DPP10: variants seen among roughly 807,000 people sequenced by gnomAD.
The protein encoded by DPP10 is dipeptidyl peptidase like 10.
Under a neutral mutation model 120.9 loss-of-function variants are expected in DPP10, and 33 were observed. That is an observed-to-expected ratio of 0.27 (90% CI 0.21 to 0.37). The LOEUF is 0.37. Among genes scored for constraint, DPP10 ranks in the 10% least tolerant of loss-of-function variants. The pLI, the probability that DPP10 is intolerant of heterozygous loss-of-function variation, is 1.00. For synonymous variants in DPP10, 337 were observed against 326.1 expected (o/e 1.03, Z -0.36); for missense variants, 816 against 942.8 (o/e 0.87, Z 1.76).
intron 5 of DPP10, among the ~76,000 whole-genome samples, chr2:115,562,969 A>T (rs1484222837): frequency 6.6e-6 from 1 of 152,210 alleles, no homozygotes; most frequent in Non-Finnish European, 1.5e-5. Flanking sequence ...CCAGTTGGCT[A>T]TCTTTCTTTC....
chr2:115,166,684 C>G (rs1460630336), intron 1 of DPP10, among the ~76,000 whole-genome samples: 1 of 150,558 alleles, frequency 6.6e-6, no homozygotes, highest in Non-Finnish European at 1.5e-5. Flanking sequence ...AGGATCTGAG[C>G]AAATGGTACA....
At chr2:114,555,169 C>G (rs993762690) in intron 1 of DPP10, among the ~76,000 whole-genome samples, 1 of 152,308 alleles carries the variant, frequency 6.6e-6, no homozygotes. Flanking sequence ...TGTACACACT[C>G]AGAATACAAT....
intron 1 of DPP10, among the ~76,000 whole-genome samples, chr2:114,633,204 T>A (rs1196038324): frequency 7.2e-6 from 1 of 138,716 alleles, no homozygotes; most frequent in Non-Finnish European, 1.5e-5. Context: ...ACATTATAGA[T>A]TTGTTTTCTC....
At chr2:115,717,422 T>A (rs2092531647) in intron 7 of DPP10, among the ~76,000 whole-genome samples, 1 of 152,076 alleles carries the variant, frequency 6.6e-6, no homozygotes, top group African/African-American at 2.4e-5. Flanking sequence ...GAGGACAGGC[T>A]TTGGAGCCAG....
chr2:115,260,057 C>T (rs567894323), intron 1 of DPP10, among the ~76,000 whole-genome samples: 8 of 151,106 alleles, frequency 5.3e-5, no homozygotes, highest in East Asian at 1.9e-4. Flanking sequence ...AATTCATTCA[C>T]GCTTTTCCAT....
chr2:115,822,663 A>C (rs1343476751), intron 21 of DPP10, among the ~76,000 whole-genome samples: 1 of 151,894 alleles, frequency 6.6e-6, no homozygotes, highest in Non-Finnish European at 1.5e-5. Context: ...AACCATGTTT[A>C]GGTTGTATTG....
chr2:114,646,861 CT>C (rs1696176914), intron 1 of DPP10, among the ~76,000 whole-genome samples: 1 of 152,202 alleles, frequency 6.6e-6, no homozygotes, highest in South Asian at 2.1e-4. Flanking sequence ...TGTAAAGATT[CT>C]CTCTGGAATT....
intron 3 of DPP10, among the ~76,000 whole-genome samples, chr2:115,469,783 A>G (rs1302463502): frequency 1.3e-5 from 2 of 149,736 alleles, no homozygotes; most frequent in Non-Finnish European, 3.0e-5. Flanking sequence ...CTGTAATCCC[A>G]GCTACTTGGG....
rs373200507 is a variant in DPP10 at position 115,379,675 on chromosome 2, G to C, written c.271+35763G>C. On this transcript the variant is annotated intron_variant, in intron 3 of 25. Coordinates refer to ENST00000410059, the MANE Select transcript of DPP10 (RefSeq NM_020868.6). Reference sequence around the variant, plus strand: ...GTCAATTTTGGATCTTTCCTGCTTTGTCTTGTGGGCATTTAGTGCTATAAA... The same window carrying C: ...GTCAATTTTGGATCTTTCCTGCTTTCTCTTGTGGGCATTTAGTGCTATAAA... Among the ~76,000 whole-genome samples, 853 of 151,958 alleles carry C rather than the reference G, an allele frequency of 5.6e-3. 8 individuals carry two copies. Among genetic ancestry groups the C allele is most frequent in the African/African-American group, 0.019 (772 of 41,442 alleles).
At chr2:115,024,583 A>G (rs550910471) in intron 1 of DPP10, among the ~76,000 whole-genome samples, 1 of 151,500 alleles carries the variant, frequency 6.6e-6, no homozygotes, top group African/African-American at 2.4e-5. Context: ...TATAATGTAT[A>G]AAGATCAAAT....
At chr2:115,009,427 T>A (rs537325766) in intron 1 of DPP10, among the ~76,000 whole-genome samples, 1 of 149,062 alleles carries the variant, frequency 6.7e-6, no homozygotes, top group Non-Finnish European at 1.5e-5. Context: ...GGTTCTGTTG[T>A]GGGGTGGGGG....
chr2:115,235,648 A>G (rs542796932), intron 1 of DPP10, among the ~76,000 whole-genome samples: 61 of 151,496 alleles, frequency 4.0e-4, no homozygotes, highest in Admixed American at 1.2e-3. Context: ...TGCAACCTCC[A>G]CCTCCCTGAT....
At chr2:115,179,120 C>G (rs2053902215) in intron 1 of DPP10, among the ~76,000 whole-genome samples, 1 of 152,184 alleles carries the variant, frequency 6.6e-6, no homozygotes, top group South Asian at 2.1e-4. Flanking sequence ...AATGAATGAG[C>G]CTTTCCTAGT....
chr2:115,244,815 G>A (rs1011338941), intron 1 of DPP10, among the ~76,000 whole-genome samples: 2 of 147,052 alleles, frequency 1.4e-5, no homozygotes, highest in African/African-American at 5.1e-5. Flanking sequence ...ATATACATGT[G>A]TATATATATA....
chr2:114,949,489 G>A (rs1313820018), intron 1 of DPP10, among the ~76,000 whole-genome samples: 2 of 152,160 alleles, frequency 1.3e-5, no homozygotes, highest in East Asian at 3.9e-4. Flanking sequence ...AAACTTGAGT[G>A]TTTTTCAGAA....
chr2:115,706,032 T>G (rs976396679), intron 7 of DPP10, among the ~76,000 whole-genome samples: 1 of 151,940 alleles, frequency 6.6e-6, no homozygotes, highest in Admixed American at 6.6e-5. Context: ...TTAAATTATC[T>G]TAACTATCTT....
At chr2:115,782,661 G>A (rs1395293799) in intron 17 of DPP10, among the ~76,000 whole-genome samples, 2 of 152,034 alleles carry the variant, frequency 1.3e-5, no homozygotes, top group African/African-American at 2.4e-5. Context: ...TAGAGTTATT[G>A]ATGAAACAGG....
intron 19 of DPP10, among the ~76,000 whole-genome samples, chr2:115,802,069 T>C (rs1429433013): frequency 1.3e-5 from 2 of 152,082 alleles, no homozygotes; most frequent in African/African-American, 2.4e-5. Context: ...GTCCTGGACT[T>C]TTTTTGGTTG....
At chr2:115,565,750 T>G (rs1396898200) in intron 5 of DPP10, among the ~76,000 whole-genome samples, 37 of 430 alleles carry the variant, frequency 0.086, no homozygotes, top group East Asian at 0.21. Context: ...GGTTATGGGT[T>G]TTTTTTTTTG....
Sources: gnomAD v4.1 joint callset for allele counts (sites outside exome capture counted in the v4.1 genomes callset) on GRCh38, gnomAD v4.1.1 for gene constraint, MANE v1.5 for transcripts, NCBI Gene and HGNC (gene_info 2026-07-23, HGNC 2026-07-21) for gene names.